The following TRPM3 variants were observed in gnomAD, a reference collection of about 807,000 sequenced individuals.
The protein encoded by TRPM3 is long transient receptor potential channel 3.
TRPM3 carries 77 observed loss-of-function variants against 181.2 expected under a neutral mutation model. That is an observed-to-expected ratio of 0.42 (90% CI 0.35 to 0.51). TRPM3 has a LOEUF of 0.51. Ranked by LOEUF, TRPM3 falls within the 20% of genes least tolerant of loss-of-function variation. The probability of loss-of-function intolerance (pLI) is 0.01; values close to 1 mark genes in which losing one functional copy is unlikely to be tolerated. For missense variants in TRPM3, 1,759 were observed against 2,196.7 expected, an observed-to-expected ratio of 0.80 and a Z score of 3.98; for synonymous variants, 745 against 796.4, an observed-to-expected ratio of 0.94 and a Z score of 1.09.
intron 1 of TRPM3, among the ~76,000 whole-genome samples, chr9:71,193,667 C>T (rs1441289232): frequency 6.6e-6 from 1 of 151,884 alleles, no homozygotes; most frequent in Non-Finnish European, 1.5e-5. Context: ...AAACAAAACA[C>T]AAAATTGTCC....
intron 22 of TRPM3, among the ~76,000 whole-genome samples, chr9:70,564,420 T>G (rs1024910570): frequency 6.6e-6 from 1 of 152,204 alleles, no homozygotes; most frequent in African/African-American, 2.4e-5. Context: ...GAGTCCATTC[T>G]CATTGCCTTT....
intron 9 of TRPM3, among the ~76,000 whole-genome samples, chr9:70,662,496 C>T (rs2061269474): frequency 6.6e-6 from 1 of 152,026 alleles, no homozygotes; most frequent in Non-Finnish European, 1.5e-5. Context: ...AACTATGCAT[C>T]CAACAAAGGT....
chr9:70,836,384 C>T (rs771927816), intron 5 of TRPM3, among the ~76,000 whole-genome samples: 5 of 152,146 alleles, frequency 3.3e-5, no homozygotes, highest in African/African-American at 1.2e-4. Context: ...CCCCTCACAA[C>T]CAAAACCTCT....
At chr9:70,588,073 T>G (rs2057448776) in intron 22 of TRPM3, among the ~76,000 whole-genome samples, 1 of 152,244 alleles carries the variant, frequency 6.6e-6, no homozygotes, top group Non-Finnish European at 1.5e-5. Flanking sequence ...CATTTGTGTT[T>G]AGTTCAACAT....
At chr9:70,916,894 T>C in intron 1 of TRPM3, 2 of 732,260 alleles carry the variant, frequency 2.7e-6, no homozygotes, top group Non-Finnish European at 4.4e-6. Flanking sequence ...TGCTGGCAGA[T>C]GGGGAGGCAA....
At chr9:71,374,755 G>A (rs2092622239) in intron 1 of TRPM3, among the ~76,000 whole-genome samples, 1 of 152,154 alleles carries the variant, frequency 6.6e-6, no homozygotes, top group Admixed American at 6.5e-5. Flanking sequence ...AGTGTCTCAG[G>A]ATGTAAAATT....
At chr9:70,589,319 C>T (rs1047222366) in intron 22 of TRPM3, among the ~76,000 whole-genome samples, 3 of 152,138 alleles carry the variant, frequency 2.0e-5, no homozygotes, top group Non-Finnish European at 4.4e-5. Flanking sequence ...CAATAAATGG[C>T]CACTTGTAGA....
At chr9:71,413,096 C>T (rs564112403) in intron 1 of TRPM3, among the ~76,000 whole-genome samples, 18 of 151,888 alleles carry the variant, frequency 1.2e-4, no homozygotes, top group Non-Finnish European at 1.9e-4. Context: ...TGGGGCCTTT[C>T]GTGGGGTTGG....
intron 1 of TRPM3, among the ~76,000 whole-genome samples, chr9:70,967,955 A>G (rs762685887): frequency 2.0e-5 from 3 of 152,104 alleles, no homozygotes; most frequent in East Asian, 1.9e-4. Context: ...GAATTGTGAG[A>G]CTGATATGTC....
chr9:71,328,357 G>T (rs1428415465), intron 1 of TRPM3, among the ~76,000 whole-genome samples: 1 of 151,984 alleles, frequency 6.6e-6, no homozygotes, highest in East Asian at 1.9e-4. Flanking sequence ...TAGTAGAGAC[G>T]GGGTTTCACC....
intron 1 of TRPM3, among the ~76,000 whole-genome samples, chr9:71,277,045 G>A (rs1024164472): frequency 2.6e-5 from 4 of 152,264 alleles, no homozygotes; most frequent in African/African-American, 7.2e-5. Context: ...ATCAAGCTAC[G>A]TAAGAATTCA....
intron 20 of TRPM3, 97 bp downstream of exon 20, chr9:70,603,224 GTTAGAGAAAACAGTTTCCGGC>G (rs1373548820): frequency 1.6e-6 from 2 of 1,265,442 alleles, no homozygotes; most frequent in African/African-American, 3.0e-5. Context: ...CTGTGGTAGA[GTTAGAGAAAACAGTTTCCGGC>G]TTAATTTGCA....
At chr9:71,252,990 A>T (rs2082445097) in intron 1 of TRPM3, among the ~76,000 whole-genome samples, 1 of 151,520 alleles carries the variant, frequency 6.6e-6, no homozygotes, top group Non-Finnish European at 1.5e-5. Flanking sequence ...CATGGCCAAG[A>T]TTTCTTTCAT....
intron 8 of TRPM3, among the ~76,000 whole-genome samples, chr9:70,682,301 GAT>G (rs1172507923): frequency 6.6e-6 from 1 of 152,032 alleles, no homozygotes; most frequent in Non-Finnish European, 1.5e-5. Context: ...CATGAGGAAA[GAT>G]ATATATGACT....
At chr9:71,147,561 T>A (rs1180559377) in intron 1 of TRPM3, among the ~76,000 whole-genome samples, 2 of 152,024 alleles carry the variant, frequency 1.3e-5, no homozygotes, top group African/African-American at 4.8e-5. Flanking sequence ...CCTCCTGAAG[T>A]CCTATACATA....
chr9:70,655,431 T>C (rs1034250696), intron 9 of TRPM3, among the ~76,000 whole-genome samples: 1 of 152,050 alleles, frequency 6.6e-6, no homozygotes, highest in African/African-American at 2.4e-5. Flanking sequence ...AAGTTCTCTT[T>C]TTTCTCTATT....
intron 8 of TRPM3, among the ~76,000 whole-genome samples, chr9:70,749,223 G>A (rs2075712288): frequency 6.6e-6 from 1 of 152,040 alleles, no homozygotes; most frequent in Admixed American, 6.6e-5. Context: ...ATCCTGAATT[G>A]ATGTACTGAA....
rs561773191 is a variant in TRPM3 at position 70,999,103 on chromosome 9, T to C, written c.177+122075A>G. On this transcript the variant is annotated intron_variant, in intron 1 of 25. Transcript: ENST00000677713. ...GTTTCTCATTTTTCTTCAGTTCCAG[T>C]TGCCTTTCATAGAAGAGAGCACACT... Among the ~76,000 whole-genome samples the C allele has an allele frequency of 4.6e-5, 7 of 152,318 alleles. No homozygotes were observed. The East Asian group carries it at 1.4e-3, about 29-fold the overall frequency.
At position 71,210,867 on chromosome 9, in the gene TRPM3, A is replaced by C. The variant is rs572153566; in HGVS notation, c.183+235786T>G. 1.2e-4 allele frequency among the ~76,000 whole-genome samples: 18 copies of C among 152,308 alleles called. No individual in the cohort carries two copies. In the South Asian group the frequency reaches 3.5e-3, roughly 30 times the overall value. On this transcript the variant is annotated intron_variant, in intron 1 of 24. Transcript: ENST00000357533. Reference sequence around the variant, plus strand: ...TTCTCTTACTGCTTTATAGAGGGACATCTTCTGGCTGTGTTCTCACGTGGC... The same window carrying C: ...TTCTCTTACTGCTTTATAGAGGGACCTCTTCTGGCTGTGTTCTCACGTGGC...
Sources: gnomAD v4.1 joint callset for allele counts (sites outside exome capture counted in the v4.1 genomes callset) on GRCh38, gnomAD v4.1.1 for gene constraint, MANE v1.5 for transcripts, NCBI Gene and HGNC (gene_info 2026-07-23, HGNC 2026-07-21) for gene names.